The following ELOVL6 variants were observed in gnomAD, a reference collection of about 807,000 sequenced individuals.
ELOVL6 encodes the protein very long chain fatty acid elongase 6.
A neutral mutation model predicts 31.7 loss-of-function variants in ELOVL6; 8 were observed. That is an observed-to-expected ratio of 0.25 (90% CI 0.15 to 0.45). The LOEUF (loss-of-function observed/expected upper bound fraction) is 0.45, where lower values mean the gene tolerates loss of function less well. Ranked by LOEUF, ELOVL6 falls within the 20% of genes least tolerant of loss-of-function variation. ELOVL6 has a pLI of 1.00. For synonymous variants in ELOVL6, 101 were observed against 117.7 expected (o/e 0.86, Z 0.92); for missense variants, 126 against 326.4 (o/e 0.39, Z 4.73).
chr4:110,143,965 A>G (rs1037531796), intron 1 of ELOVL6, among the ~76,000 whole-genome samples: 2 of 151,442 alleles, frequency 1.3e-5, no homozygotes, highest in Non-Finnish European at 2.9e-5. Flanking sequence ...GAGGCAGGAG[A>G]AACACTTGAA....
intron 3 of ELOVL6, among the ~76,000 whole-genome samples, chr4:110,056,002 GC>G (rs1416132408): frequency 6.6e-6 from 1 of 151,954 alleles, no homozygotes; most frequent in Non-Finnish European, 1.5e-5. Flanking sequence ...GGAATGAGTA[GC>G]ATTTCAGTTG....
intron 2 of ELOVL6, among the ~76,000 whole-genome samples, chr4:110,088,387 G>A (rs1170442756): frequency 6.6e-6 from 1 of 152,154 alleles, no homozygotes; most frequent in Non-Finnish European, 1.5e-5. Flanking sequence ...GAGGATGCCT[G>A]AAACCCACCA....
At chr4:110,120,668 G>C (rs62326561) in intron 1 of ELOVL6, among the ~76,000 whole-genome samples, 36,732 of 151,804 alleles carry the variant, frequency 0.24, 4,813 homozygotes, top group East Asian at 0.43. Context: ...TCTAGGTACT[G>C]ATGGAGGTGT....
At chr4:110,182,918 A>G (rs1280851153) in intron 1 of ELOVL6, among the ~76,000 whole-genome samples, 3 of 152,138 alleles carry the variant, frequency 2.0e-5, no homozygotes, top group Non-Finnish European at 4.4e-5. Flanking sequence ...CAAAAAAAAA[A>G]ATGAAAACTG....
At chr4:110,107,429 C>CT (rs1314168594) in intron 1 of ELOVL6, among the ~76,000 whole-genome samples, 1 of 152,136 alleles carries the variant, frequency 6.6e-6, no homozygotes, top group Admixed American at 6.5e-5. Context: ...GCAGCAAACA[C>CT]TAACAGAAAG....
intron 1 of ELOVL6, among the ~76,000 whole-genome samples, chr4:110,148,547 G>A (rs1578261549): frequency 6.6e-6 from 1 of 151,356 alleles, no homozygotes; most frequent in Non-Finnish European, 1.5e-5. Flanking sequence ...AAAAATAGAA[G>A]GAATGAATAA....
chr4:110,179,090 G>A (rs993334527), intron 1 of ELOVL6, among the ~76,000 whole-genome samples: 6 of 151,496 alleles, frequency 4.0e-5, no homozygotes, highest in East Asian at 1.9e-4. Context: ...AGTTCTCTAC[G>A]TTAGGTAAAA....
chr4:110,136,356 T>C (rs72679237), intron 1 of ELOVL6, among the ~76,000 whole-genome samples: 6,487 of 152,280 alleles, frequency 0.043, 187 homozygotes, highest in Non-Finnish European at 0.061. Flanking sequence ...AACTATGGGT[T>C]TGTCTATAAT....
At chr4:110,143,727 A>T (rs1758028576) in intron 1 of ELOVL6, among the ~76,000 whole-genome samples, 1 of 152,190 alleles carries the variant, frequency 6.6e-6, no homozygotes, top group Non-Finnish European at 1.5e-5. Context: ...AAACAGTAAC[A>T]AAAGGAATAT....
intron 3 of ELOVL6, among the ~76,000 whole-genome samples, chr4:110,054,311 C>G (rs970945397): frequency 6.6e-6 from 1 of 152,064 alleles, no homozygotes; most frequent in Non-Finnish European, 1.5e-5. Flanking sequence ...TCAGGAGACC[C>G]GGGATCTACT....
chr4:110,084,151 A>G (rs367912803), intron 2 of ELOVL6, among the ~76,000 whole-genome samples: 4 of 57,820 alleles, frequency 6.9e-5, no homozygotes, highest in South Asian at 4.9e-4. Context: ...TATATGATAT[A>G]TATAACATAT....
chr4:110,138,450 A>G (rs1020239341), intron 1 of ELOVL6, among the ~76,000 whole-genome samples: 2 of 152,124 alleles, frequency 1.3e-5, no homozygotes, highest in African/African-American at 2.4e-5. Context: ...CTAATCAACA[A>G]ATTAATAGTA....
chr4:110,156,912 G>A (rs1259621648), intron 1 of ELOVL6, among the ~76,000 whole-genome samples: 1 of 152,112 alleles, frequency 6.6e-6, no homozygotes, highest in African/African-American at 2.4e-5. Flanking sequence ...CTTTCATATG[G>A]TAACCAGTAA....
chr4:110,062,086 G>A (rs1755158475), intron 2 of ELOVL6, among the ~76,000 whole-genome samples: 1 of 152,166 alleles, frequency 6.6e-6, no homozygotes, highest in African/African-American at 2.4e-5. Flanking sequence ...TCTGGCTAGT[G>A]AGTGGTAGTC....
intron 2 of ELOVL6, among the ~76,000 whole-genome samples, chr4:110,069,618 C>A (rs1755410292): frequency 6.6e-6 from 1 of 152,172 alleles, no homozygotes; most frequent in Admixed American, 6.5e-5. Context: ...AAGAAACAGG[C>A]ACAGAGAGGG....
intron 2 of ELOVL6, among the ~76,000 whole-genome samples, chr4:110,084,436 A>ATATGATATATCACATATATGATATG (rs1553956190): frequency 0.095 from 9,735 of 102,924 alleles, 1,181 homozygotes; most frequent in East Asian, 0.16. Flanking sequence ...CATATATCAT[A>ATATGATATATCACATATATGATATG]TATGATATAT....
intron 1 of ELOVL6, among the ~76,000 whole-genome samples, chr4:110,194,417 GATGATTCTACAAGGGAATACACTT>G (rs1316639067): frequency 1.3e-5 from 2 of 152,134 alleles, no homozygotes; most frequent in African/African-American, 4.8e-5. Flanking sequence ...TGAGGCCCAG[GATGATTCTACAAGGGAATACACTT>G]ATTACTTTGC....
intron 2 of ELOVL6, among the ~76,000 whole-genome samples, chr4:110,070,757 T>A (rs1755450673): frequency 6.6e-6 from 1 of 152,160 alleles, no homozygotes; most frequent in South Asian, 2.1e-4. Flanking sequence ...CTCTTCCTCT[T>A]TCTTCGGCCA....
intron 1 of ELOVL6, among the ~76,000 whole-genome samples, chr4:110,194,785 A>G (rs1010301304): frequency 3.3e-5 from 5 of 152,236 alleles, no homozygotes. Flanking sequence ...AAATGATGCT[A>G]GTTAGCAAAG....
Sources: gnomAD v4.1 joint callset for allele counts (sites outside exome capture counted in the v4.1 genomes callset) on GRCh38, gnomAD v4.1.1 for gene constraint, MANE v1.5 for transcripts, NCBI Gene and HGNC (gene_info 2026-07-23, HGNC 2026-07-21) for gene names.